NKIRAS1: variants seen among roughly 807,000 people sequenced by gnomAD.
NKIRAS1 encodes the protein NF-kappa-B inhibitor-interacting Ras-like protein 1.
In NKIRAS1, 16 loss-of-function variants were observed where a neutral mutation model predicts 19.8. The ratio of observed to expected loss-of-function variants is 0.81; its 90% confidence interval spans 0.55 to 1.23. The LOEUF (loss-of-function observed/expected upper bound fraction) is 1.23. NKIRAS1 is among the 50% of genes most tolerant of loss of function. The pLI, the probability that NKIRAS1 is intolerant of heterozygous loss-of-function variation, is 0.00. For missense variants in NKIRAS1, 184 were observed against 220.0 expected (o/e 0.84, Z 1.04); for synonymous variants, 88 against 79.0 (o/e 1.11, Z -0.61).
intron 1 of NKIRAS1, among the ~76,000 whole-genome samples, chr3:23,935,773 T>C (rs1038725256): frequency 1.3e-5 from 2 of 151,928 alleles, no homozygotes; most frequent in African/African-American, 2.4e-5. Context: ...CATCTATAGA[T>C]AGATAATTAG....
chr3:23,935,112 C>G (rs1256245660), intron 1 of NKIRAS1, among the ~76,000 whole-genome samples: 1 of 151,914 alleles, frequency 6.6e-6, no homozygotes, highest in African/African-American at 2.4e-5. Flanking sequence ...TCTCAAACTC[C>G]TGGGCTAAAT....
At chr3:23,918,832 CT>C (rs1398558917), upstream of NKIRAS1, 1 of 534,550 alleles carries the variant, frequency 1.9e-6, no homozygotes, top group Non-Finnish European at 3.3e-6. Context: ...CAAATGTGGC[CT>C]GCACAGCCTA....
rs376168712 is a variant in NKIRAS1 at position 23,910,802 on chromosome 3, C to T, written c.94+9G>A. ...AACCTAGAGACAAACTAGAGAAAAA[C>T]AATCTTACCAATAGTATGATTTCCA... On this transcript the variant is annotated intron_variant, in intron 3 of 4. Transcript: ENST00000425478. The T allele has an allele frequency of 1.4e-5, 23 of 1,596,834 alleles. No individual in the cohort carries two copies. Among genetic ancestry groups the T allele is most frequent in the Non-Finnish European group, 2.0e-5 (23 of 1,164,562 alleles).
At chr3:23,942,483 G>A (rs773924657) in intron 1 of NKIRAS1, among the ~76,000 whole-genome samples, 1 of 152,226 alleles carries the variant, frequency 6.6e-6, no homozygotes, top group Admixed American at 6.5e-5. Context: ...CCAGGCTGGA[G>A]TGCAACGGCA....
intron 4 of NKIRAS1, among the ~76,000 whole-genome samples, chr3:23,896,420 G>A (rs1039061690): frequency 6.6e-6 from 1 of 151,934 alleles, no homozygotes; most frequent in African/African-American, 2.4e-5. Context: ...TTTGAGACCA[G>A]CCTGTCCAAC....
chr3:23,919,844 T>A, upstream of NKIRAS1: 1 of 1,023,504 alleles, frequency 9.8e-7, no homozygotes, highest in Non-Finnish European at 1.2e-6. Context: ...CCTGCAGCTT[T>A]ATCGGAGTGA....
intron 1 of NKIRAS1, among the ~76,000 whole-genome samples, chr3:23,939,933 G>A (rs1705461789): frequency 6.6e-6 from 1 of 152,186 alleles, no homozygotes; most frequent in South Asian, 2.1e-4. Context: ...AATCTGTAAT[G>A]ATGAATTTGG....
intron 1 of NKIRAS1, chr3:23,923,810 A>G (rs1350799337): frequency 6.6e-6 from 1 of 152,208 alleles, no homozygotes; most frequent in Non-Finnish European, 1.5e-5. Context: ...GGACTTGTTT[A>G]TCCACACCCT....
chr3:23,923,926 T>C (rs927463425), intron 1 of NKIRAS1: 3 of 152,236 alleles, frequency 2.0e-5, no homozygotes, highest in Admixed American at 1.3e-4. Context: ...GAGGCAAAGC[T>C]ATGTGCATAC....
chr3:23,911,046 G>A, intron 2 of NKIRAS1, 125 bp from the exon 3 acceptor site: 1 of 711,368 alleles, frequency 1.4e-6, no homozygotes, highest in Non-Finnish European at 2.4e-6. Flanking sequence ...CAGAAAAGGA[G>A]ATATAGAATA....
chr3:23,925,990 A>G (rs1705205166), intron 1 of NKIRAS1, among the ~76,000 whole-genome samples: 1 of 152,222 alleles, frequency 6.6e-6, no homozygotes, highest in Non-Finnish European at 1.5e-5. Flanking sequence ...AGCACAGAAA[A>G]TATTTTGACC....
chr3:23,928,694 A>C (rs924072743), intron 1 of NKIRAS1, among the ~76,000 whole-genome samples: 1 of 150,982 alleles, frequency 6.6e-6, no homozygotes, highest in Non-Finnish European at 1.5e-5. Context: ...AGGCTTAAAA[A>C]AAAAAAAAAA....
chr3:23,897,147 G>A (rs943723811), intron 4 of NKIRAS1, among the ~76,000 whole-genome samples: 6 of 151,974 alleles, frequency 3.9e-5, no homozygotes, highest in African/African-American at 1.5e-4. Context: ...GGAGTTTTAG[G>A]CTGCAATCAT....
At chr3:23,915,410 C>A (rs1168694732) in intron 1 of NKIRAS1, among the ~76,000 whole-genome samples, 6 of 152,150 alleles carry the variant, frequency 3.9e-5, no homozygotes, top group Non-Finnish European at 8.8e-5. Context: ...CAGACCTAGT[C>A]TGATGTACAA....
At chr3:23,920,837 A>G, upstream of NKIRAS1, 1 of 903,332 alleles carries the variant, frequency 1.1e-6, no homozygotes, top group Non-Finnish European at 1.3e-6. Flanking sequence ...TGTCTATTAA[A>G]CTAAAACAAA....
intron 1 of NKIRAS1, chr3:23,946,128 C>T (rs969791768): frequency 8.1e-6 from 8 of 984,864 alleles, no homozygotes; most frequent in East Asian, 2.3e-4. Flanking sequence ...ATTCCCTCCT[C>T]CCCCGCGGGG....
chr3:23,914,171 T>TAA (rs5847260), intron 1 of NKIRAS1, among the ~76,000 whole-genome samples: 1 of 144,708 alleles, frequency 6.9e-6, no homozygotes. Flanking sequence ...AACTTGAGGC[T>TAA]AAAAAAAAAA....
intron 4 of NKIRAS1, among the ~76,000 whole-genome samples, chr3:23,900,453 G>A (rs549172779): frequency 2.0e-5 from 3 of 152,028 alleles, no homozygotes; most frequent in Admixed American, 6.5e-5. Flanking sequence ...TGGCCAACGC[G>A]GTAATACCCT....
chr3:23,913,391 G>C (rs1215884533), intron 1 of NKIRAS1, among the ~76,000 whole-genome samples: 2 of 152,164 alleles, frequency 1.3e-5, no homozygotes, highest in African/African-American at 4.8e-5. Context: ...AAGATGAAAA[G>C]ATAAGTGTGA....
Sources: gnomAD v4.1 joint callset for allele counts (sites outside exome capture counted in the v4.1 genomes callset) on GRCh38, gnomAD v4.1.1 for gene constraint, MANE v1.5 for transcripts, NCBI Gene and HGNC (gene_info 2026-07-23, HGNC 2026-07-21) for gene names.